MAPKAP1: variants seen among roughly 807,000 people sequenced by gnomAD.
The protein encoded by MAPKAP1 is target of rapamycin complex 2 subunit MAPKAP1.
A neutral mutation model predicts 65.7 loss-of-function variants in MAPKAP1; 20 were observed. That is an observed-to-expected ratio of 0.30 (90% CI 0.21 to 0.44). The LOEUF is 0.44. Among genes scored for constraint, MAPKAP1 ranks in the 20% least tolerant of loss-of-function variants. The pLI is 1.00. For missense variants in MAPKAP1, 423 were observed against 648.0 expected (o/e 0.65, Z 3.77); for synonymous variants, 222 against 244.3 (o/e 0.91, Z 0.85).
At chr9:125,470,208 A>G (rs941173094) in intron 9 of MAPKAP1, among the ~76,000 whole-genome samples, 1 of 152,244 alleles carries the variant, frequency 6.6e-6, no homozygotes, top group Non-Finnish European at 1.5e-5. Flanking sequence ...GGAAAATTAT[A>G]TAAAACTGTT....
chr9:125,590,917 G>A (rs1831940606), intron 4 of MAPKAP1, among the ~76,000 whole-genome samples: 1 of 152,048 alleles, frequency 6.6e-6, no homozygotes, highest in Non-Finnish European at 1.5e-5. Flanking sequence ...GAGATTGCAG[G>A]CATGTGCCAC....
intron 7 of MAPKAP1, among the ~76,000 whole-genome samples, chr9:125,533,061 A>T (rs932138457): frequency 6.6e-6 from 1 of 152,140 alleles, no homozygotes; most frequent in African/African-American, 2.4e-5. Context: ...TGGATGCGTG[A>T]TCCATTTCTC....
Position 125,657,740 on chromosome 9 carries a change from CA to C in MAPKAP1, c.408del (p.Lys138SerfsTer9). The C allele has an allele frequency of 6.2e-7, 1 of 1,613,940 alleles. No homozygotes were observed. The highest frequency in any genetic ancestry group is 1.3e-5 in the African/African-American group (1 of 75,026). On this transcript the variant is annotated frameshift_variant, in exon 4 of 12. Coordinates refer to ENST00000265960, the MANE Select transcript of MAPKAP1 (RefSeq NM_001006617.3). LOFTEE classifies it high-confidence loss of function. ...CGTACAGATAATATCGACTGCTTCC[CA>C]GAAATTGGAGGCTTCTCTTTGAGAG... ...KKSLKEKPPISGKQSILSVRL... is the reference protein window; with the variant it reads ...KKSLKEKPPIXGKQSILSVRL...
intron 5 of MAPKAP1, among the ~76,000 whole-genome samples, chr9:125,581,884 G>GT (rs999051384): frequency 6.0e-5 from 9 of 151,152 alleles, no homozygotes; most frequent in Non-Finnish European, 4.4e-5. Context: ...ATTTGCATGT[G>GT]TTTTTAACAT....
intron 4 of MAPKAP1, among the ~76,000 whole-genome samples, chr9:125,628,416 CTGTGAAAAGTGT>C (rs1192035979): frequency 6.6e-6 from 1 of 152,108 alleles, no homozygotes; most frequent in Non-Finnish European, 1.5e-5. Context: ...ACTTTTACAC[CTGTGAAAAGTGT>C]TCTCATTATA....
At chr9:125,489,603 C>G (rs1358625701) in intron 8 of MAPKAP1, among the ~76,000 whole-genome samples, 1 of 151,796 alleles carries the variant, frequency 6.6e-6, no homozygotes, top group Non-Finnish European at 1.5e-5. Context: ...AGCAGAAAAC[C>G]CAGGAGGAGA....
rs550078181 is a variant in MAPKAP1 at position 125,447,600 on chromosome 9, C to T, written c.1346-3002G>A. On this transcript the variant is annotated intron_variant, in intron 10 of 11. Coordinates refer to ENST00000265960, the MANE Select transcript of MAPKAP1 (RefSeq NM_001006617.3). The surrounding 1 kb of genome is among the most constrained non-coding windows in gnomAD (Gnocchi z 4.5). ...GTTCCCCTCGCTAGCAGCCCTGTTT[C>T]GCTGGGCGGCCAGAAGGGCAGTTTT... 6.7e-5 allele frequency: 28 copies of T among 415,244 alleles called. 1 individual carries two copies. Among genetic ancestry groups the T allele is most frequent in the African/African-American group, 2.4e-4 (12 of 49,348 alleles). 25.7% of individuals were successfully genotyped at this position (415,244 alleles called of 1,614,324 possible).
intron 4 of MAPKAP1, among the ~76,000 whole-genome samples, chr9:125,642,027 G>A (rs959402395): frequency 6.6e-6 from 1 of 151,896 alleles, no homozygotes; most frequent in Non-Finnish European, 1.5e-5. Context: ...GCTAGACTCT[G>A]TCTCAAATTA....
chr9:125,587,619 A>T (rs1831828424), intron 4 of MAPKAP1, among the ~76,000 whole-genome samples: 2 of 152,242 alleles, frequency 1.3e-5, no homozygotes, highest in South Asian at 4.1e-4. Context: ...GGATACTATC[A>T]AGATAGTAAA....
rs140636525 is a variant in MAPKAP1 at position 125,695,790 on chromosome 9, G to A, written c.-70+11181C>T. Among the ~76,000 whole-genome samples, 964 of 151,292 alleles carry A rather than the reference G, an allele frequency of 6.4e-3. 15 individuals carry two copies. Among genetic ancestry groups the A allele is most frequent in the African/African-American group, 0.023 (935 of 41,208 alleles). On this transcript the variant is annotated intron_variant, in intron 1 of 11. Transcript: ENST00000265960. ...GTTGCCCAGCCTGGAATGCAATGGC[G>A]CAATCTTGGCTCACTGCAACCTCCA...
At chr9:125,467,878 GAC>G in intron 10 of MAPKAP1, 92 bp downstream of exon 10, 5 of 1,346,294 alleles carry the variant, frequency 3.7e-6, no homozygotes, top group Middle Eastern at 3.8e-4. Flanking sequence ...AGGAAAAAAG[GAC>G]ACAGTGGCAA....
At chr9:125,673,695 G>T (rs1479290517) in intron 1 of MAPKAP1, among the ~76,000 whole-genome samples, 1 of 152,008 alleles carries the variant, frequency 6.6e-6, no homozygotes, top group African/African-American at 2.4e-5. Flanking sequence ...CGAGGCAGGA[G>T]GACTGCTTGA....
chr9:125,522,226 A>G (rs980837627), intron 7 of MAPKAP1, among the ~76,000 whole-genome samples: 11 of 152,364 alleles, frequency 7.2e-5, no homozygotes, highest in South Asian at 6.2e-4. Flanking sequence ...TGCAGGAAGA[A>G]AGAGACTCTA....
At chr9:125,613,905 C>G (rs1263801091) in intron 4 of MAPKAP1, among the ~76,000 whole-genome samples, 1 of 152,004 alleles carries the variant, frequency 6.6e-6, no homozygotes, top group Non-Finnish European at 1.5e-5. Context: ...TCACGCCATT[C>G]TCCTGCCTCA....
chr9:125,497,736 T>A (rs557748820), intron 8 of MAPKAP1, among the ~76,000 whole-genome samples: 10 of 152,340 alleles, frequency 6.6e-5, no homozygotes, highest in African/African-American at 2.4e-4. Context: ...AATGACAGAC[T>A]AGTCAGGGAT....
At position 125,539,193 on chromosome 9, in the gene MAPKAP1, A is replaced by G. The variant is rs1564548127; in HGVS notation, c.958+3866T>C. ...GTTCTACGTGAAATTTTATAAAAGT[A>G]GGAATGAATGTCACTAGGCTTATTA... On this transcript the variant is annotated intron_variant, in intron 7 of 11. Transcript: ENST00000265960. Among the ~76,000 whole-genome samples, 7 of 152,366 alleles carry G rather than the reference A, an allele frequency of 4.6e-5. No individual in the cohort carries two copies. The South Asian group carries it at 1.4e-3, about 32-fold the overall frequency.
intron 7 of MAPKAP1, 128 bp from the exon 8 acceptor site, chr9:125,506,545 C>A: frequency 1.4e-6 from 1 of 738,098 alleles, no homozygotes. Flanking sequence ...TCTTGAGGGT[C>A]TAGCTATCCA....
chr9:125,613,772 T>C (rs897234135), intron 4 of MAPKAP1, among the ~76,000 whole-genome samples: 2 of 152,166 alleles, frequency 1.3e-5, no homozygotes, highest in South Asian at 2.1e-4. Flanking sequence ...TTACCCATAC[T>C]ATTTAACCTT....
In MAPKAP1 at chr9:125,439,974, G is replaced by A. The variant is rs748893047; in HGVS notation, c.1444-962C>T. 1.1e-4 allele frequency among the ~76,000 whole-genome samples: 17 copies of A among 152,360 alleles called. No individual in the cohort carries two copies. Among genetic ancestry groups the A allele is most frequent in the Middle Eastern group, 3.4e-3 (1 of 294 alleles). On this transcript the variant is annotated intron_variant, in intron 11 of 11. Coordinates refer to ENST00000265960, the MANE Select transcript of MAPKAP1 (RefSeq NM_001006617.3). The surrounding 1 kb of genome is among the most constrained non-coding windows in gnomAD (Gnocchi z 4.0). ...TTGAGGGATACACAGGAGTTTTTGA[G>A]TGCGCAACGGGGAGGAGAGACGCAG...
Sources: allele counts gnomAD v4.1 joint callset (sites outside exome capture counted in the v4.1 genomes callset), GRCh38; gene constraint gnomAD v4.1.1; non-coding constraint Gnocchi (gnomAD v3.1); transcripts MANE v1.5; gene names NCBI Gene and HGNC (gene_info 2026-07-23, HGNC 2026-07-21).